PLXDC2: variants seen among roughly 807,000 people sequenced by gnomAD.
PLXDC2 encodes plexin domain containing 2.
A neutral mutation model predicts 68.9 loss-of-function variants in PLXDC2; 40 were observed. The observed-to-expected ratio is 0.58, with a 90% CI of 0.45 to 0.76. The LOEUF is 0.76. Among genes scored for constraint, PLXDC2 ranks in the 30% least tolerant of loss-of-function variants. The probability of loss-of-function intolerance (pLI) is 0.00; values close to 1 mark genes in which losing one functional copy is unlikely to be tolerated. For missense variants in PLXDC2, 644 were observed against 661.9 expected, an observed-to-expected ratio of 0.97 and a Z score of 0.30; for synonymous variants, 243 against 234.2, an observed-to-expected ratio of 1.04 and a Z score of -0.34.
rs562216824 is a variant in PLXDC2, at chr10:20,234,276, G to A, written c.1313-11069G>A. Reference sequence around the variant, plus strand: ...CAGAGTCTGTTTGCAAAGATGGTTTGGTGGAACAGGTCAGGTCAGGACCAG... The same window carrying A: ...CAGAGTCTGTTTGCAAAGATGGTTTAGTGGAACAGGTCAGGTCAGGACCAG... On this transcript the variant is annotated intron_variant, in intron 12 of 13. Coordinates refer to ENST00000377252, the MANE Select transcript of PLXDC2 (RefSeq NM_032812.9). Among the ~76,000 whole-genome samples, 19 of 152,242 alleles carry A rather than the reference G, an allele frequency of 1.2e-4. No homozygotes were observed. In the East Asian group the frequency reaches 3.7e-3, roughly 29 times the overall value.
intron 1 of PLXDC2, among the ~76,000 whole-genome samples, chr10:19,946,645 C>T (rs780543534): frequency 1.3e-5 from 2 of 151,530 alleles, no homozygotes; most frequent in Non-Finnish European, 2.9e-5. Flanking sequence ...GTGGACGGGG[C>T]GAGGGAGGGA....
rs1257387648 is a variant in PLXDC2, at chr10:20,025,994, T to G, written c.325-20875T>G. Among the ~76,000 whole-genome samples, 5 of 152,280 alleles carry G rather than the reference T, an allele frequency of 3.3e-5. No homozygotes were observed. In the East Asian group the frequency reaches 9.6e-4, roughly 29 times the overall value. On this transcript the variant is annotated intron_variant, in intron 2 of 13. Coordinates refer to ENST00000377252, the MANE Select transcript of PLXDC2 (RefSeq NM_032812.9). Reference sequence around the variant, plus strand: ...TAGATAAACTCAGGCAGAGGAAAGCTATGAGCAAATGAAACTTGTTTACTT... The same window carrying G: ...TAGATAAACTCAGGCAGAGGAAAGCGATGAGCAAATGAAACTTGTTTACTT...
chr10:20,032,390 T>C (rs189310634), intron 2 of PLXDC2, among the ~76,000 whole-genome samples: 24 of 152,250 alleles, frequency 1.6e-4, no homozygotes, highest in Non-Finnish European at 2.6e-4. Flanking sequence ...GGTAAGGATA[T>C]TGGATTTTAT....
chr10:19,883,177 T>G (rs543413488), intron 1 of PLXDC2, among the ~76,000 whole-genome samples: 3 of 152,096 alleles, frequency 2.0e-5, no homozygotes, highest in Non-Finnish European at 1.5e-5. Context: ...TTAGCCAGGA[T>G]GGTCTCGATC....
chr10:20,251,633 AAATGT>A (rs1296628576), intron 13 of PLXDC2, among the ~76,000 whole-genome samples: 2 of 152,164 alleles, frequency 1.3e-5, no homozygotes, highest in African/African-American at 4.8e-5. Flanking sequence ...AAAATACATA[AAATGT>A]AATCTAACTG....
chr10:20,264,430 TAACA>T (rs1835845907), intron 13 of PLXDC2, among the ~76,000 whole-genome samples: 1 of 152,142 alleles, frequency 6.6e-6, no homozygotes, highest in Non-Finnish European at 1.5e-5. Flanking sequence ...TTTATCTGTG[TAACA>T]AACTTTCACA....
At chr10:20,041,264 A>G (rs1463624518) in intron 2 of PLXDC2, among the ~76,000 whole-genome samples, 2 of 152,198 alleles carry the variant, frequency 1.3e-5, no homozygotes, top group African/African-American at 4.8e-5. Context: ...TGTTAGAAAT[A>G]TGTGTGTTGC....
At chr10:20,097,297 G>A (rs1470535312) in intron 4 of PLXDC2, among the ~76,000 whole-genome samples, 1 of 152,168 alleles carries the variant, frequency 6.6e-6, no homozygotes, top group African/African-American at 2.4e-5. Context: ...TTTGATGAAA[G>A]AGACCTCATA....
At chr10:20,181,308 C>G (rs181187426) in intron 9 of PLXDC2, among the ~76,000 whole-genome samples, 1 of 152,018 alleles carries the variant, frequency 6.6e-6, no homozygotes, top group Non-Finnish European at 1.5e-5. Context: ...ATGCATAACA[C>G]ATGTCAGGCA....
At chr10:20,155,667 T>C (rs183573952) in intron 6 of PLXDC2, among the ~76,000 whole-genome samples, 45 of 152,284 alleles carry the variant, frequency 3.0e-4, no homozygotes, top group African/African-American at 1.1e-3. Flanking sequence ...AATTCATTTG[T>C]ATTTGTAGAG....
intron 2 of PLXDC2, among the ~76,000 whole-genome samples, chr10:20,017,444 C>T (rs942226607): frequency 2.0e-5 from 3 of 152,140 alleles, no homozygotes; most frequent in African/African-American, 7.2e-5. Context: ...TCCAAGTTCC[C>T]CTGCGATGCG....
Position 20,285,440 on chromosome 10 carries a change from G to C in PLXDC2, c.*5621G>C, listed in dbSNP as rs1836140476. ...ATCCCTAAACCAGACTTTACAAGTA[G>C]ATAGGATCAACAATACTCTATCAAT... On this transcript the variant is annotated 3_prime_UTR_variant, in exon 14 of 14. Coordinates refer to ENST00000377252, the MANE Select transcript of PLXDC2 (RefSeq NM_032812.9). The C allele has an allele frequency of 6.6e-6, 1 of 152,150 alleles. No individual in the cohort carries two copies. Among genetic ancestry groups the C allele is most frequent in the Admixed American group, 6.5e-5 (1 of 15,276 alleles). 9.4% of individuals were successfully genotyped at this position (152,150 alleles called of 1,614,324 possible).
intron 1 of PLXDC2, among the ~76,000 whole-genome samples, chr10:19,909,083 C>A (rs1833220110): frequency 6.6e-6 from 1 of 152,156 alleles, no homozygotes; most frequent in Admixed American, 6.5e-5. Context: ...TGTATATCAA[C>A]CTCTCATGAA....
intron 1 of PLXDC2, among the ~76,000 whole-genome samples, chr10:19,894,713 A>AT (rs1196148556): frequency 6.6e-6 from 1 of 152,204 alleles, no homozygotes; most frequent in Non-Finnish European, 1.5e-5. Flanking sequence ...AGAAATGCAA[A>AT]TCGAAACCAC....
At chr10:20,226,224 CA>C (rs1177768969) in intron 12 of PLXDC2, among the ~76,000 whole-genome samples, 4 of 152,108 alleles carry the variant, frequency 2.6e-5, no homozygotes, top group African/African-American at 9.7e-5. Flanking sequence ...GAAAGGAATC[CA>C]AAAGCATTAT....
intron 2 of PLXDC2, among the ~76,000 whole-genome samples, chr10:20,014,954 G>A (rs968743863): frequency 2.0e-5 from 3 of 152,124 alleles, no homozygotes; most frequent in African/African-American, 7.2e-5. Flanking sequence ...AATGGCTGTG[G>A]CACTGTTCCT....
chr10:20,148,578 T>C (rs1281084625), intron 6 of PLXDC2, among the ~76,000 whole-genome samples: 2 of 152,206 alleles, frequency 1.3e-5, no homozygotes, highest in Non-Finnish European at 2.9e-5. Flanking sequence ...GTGTTTGATT[T>C]CCAACTCTTC....
chr10:19,938,716 A>G (rs1292829348), intron 1 of PLXDC2, among the ~76,000 whole-genome samples: 1 of 152,204 alleles, frequency 6.6e-6, no homozygotes, highest in Non-Finnish European at 1.5e-5. Flanking sequence ...AGTTGTGGAT[A>G]GTCTTGAAAT....
intron 4 of PLXDC2, among the ~76,000 whole-genome samples, chr10:20,090,036 C>T (rs921653106): frequency 2.0e-5 from 3 of 152,144 alleles, no homozygotes; most frequent in Non-Finnish European, 4.4e-5. Flanking sequence ...CCAGTGGCAC[C>T]GCAGAGTGTC....
Sources: allele counts gnomAD v4.1 joint callset (sites outside exome capture counted in the v4.1 genomes callset), GRCh38; gene constraint gnomAD v4.1.1; transcripts MANE v1.5; gene names NCBI Gene and HGNC (gene_info 2026-07-23, HGNC 2026-07-21).